DMXL1: variants seen among roughly 807,000 people sequenced by gnomAD.
DMXL1 encodes the protein Dmx like 1.
A neutral mutation model predicts 319.2 loss-of-function variants in DMXL1; 99 were observed. The ratio of observed to expected loss-of-function variants is 0.31; its 90% confidence interval spans 0.26 to 0.37. DMXL1 has a LOEUF of 0.37. DMXL1 is among the 10% of genes least tolerant of loss of function. DMXL1 has a pLI of 1.00. For missense variants in DMXL1, 3,745 were observed against 3,595.6 expected (o/e 1.04, Z -1.06); for synonymous variants, 1,385 against 1,235.2 (o/e 1.12, Z -2.54).
rs144109130 is a variant in DMXL1, at chr5:119,143,851, G to A, written c.2387G>A (p.Gly796Asp). 4.4e-6 allele frequency: 7 copies of A among 1,573,612 alleles called. No homozygotes were observed. Among genetic ancestry groups the A allele is most frequent in the Non-Finnish European group, 6.0e-6 (7 of 1,160,734 alleles). Reference protein sequence around the residue: ...LSNPEISKYVGEVFNIVSQQS... With the variant: ...LSNPEISKYVDEVFNIVSQQS... ...TTTTAAAAAAAACAGAAATATGTTG[G>A]TGAAGTCTTTAACATCGTCAGTCAA... The change falls in exon 14 of 44, where the codon GGT becomes GAT. Residue 796 changes from glycine to aspartate, a missense_variant. Around this residue, in one of 4 missense-constraint regions of DMXL1, gnomAD observed 2,096 missense variants for 1,985.4 expected, o/e 1.06. Transcript: ENST00000539542.
At chr5:119,136,128 T>C (rs1765940215) in intron 13 of DMXL1, among the ~76,000 whole-genome samples, 2 of 152,236 alleles carry the variant, frequency 1.3e-5, no homozygotes, top group South Asian at 4.1e-4. Flanking sequence ...TACTGGGATC[T>C]GGAGCAAAGA....
chr5:119,222,791 T>C lies in DMXL1; in HGVS notation c.8277+1710T>C, dbSNP rs113415596. 5.4e-3 allele frequency among the ~76,000 whole-genome samples: 827 copies of C among 152,278 alleles called. 2 individuals are homozygous for C. Among genetic ancestry groups the C allele is most frequent in the Non-Finnish European group, 9.0e-3 (614 of 68,016 alleles). ...TCCCTTTATTCTACATCTGATTCTC[T>C]TTGCTGTAATTACACTGGCTTCTTT... On this transcript the variant is annotated intron_variant, in intron 37 of 43. Coordinates refer to ENST00000539542, the MANE Select transcript of DMXL1 (RefSeq NM_001290321.3).
At position 119,071,101 on chromosome 5, in the gene DMXL1, A is replaced by AGTGGCGGAGGACTGTGGGG. The variant is rs1749418049; in HGVS notation, c.-461_-443dup. On this transcript the variant is annotated 5_prime_UTR_variant, in exon 1 of 44. Transcript: ENST00000539542. ...CGCAGGGATCCAGAGGCGCGTAGTG[A>AGTGGCGGAGGACTGTGGGG]GTGGCGGAGGACTGTGGGGGTGGCG... 1 of 169,504 alleles carries AGTGGCGGAGGACTGTGGGG rather than the reference A, an allele frequency of 5.9e-6. No homozygotes were observed. Among genetic ancestry groups the AGTGGCGGAGGACTGTGGGG allele is most frequent in the African/African-American group, 2.4e-5 (1 of 41,534 alleles). 10.5% of individuals were successfully genotyped at this position (169,504 alleles called of 1,614,324 possible).
chr5:119,231,995 G>A (rs1786826913), intron 38 of DMXL1, among the ~76,000 whole-genome samples: 1 of 152,028 alleles, frequency 6.6e-6, no homozygotes, highest in Non-Finnish European at 1.5e-5. Flanking sequence ...TTAAGAGACA[G>A]GGTCTCATTA....
At chr5:119,204,117 C>T (rs558572252) in intron 33 of DMXL1, among the ~76,000 whole-genome samples, 39 of 152,004 alleles carry the variant, frequency 2.6e-4, no homozygotes, top group South Asian at 1.0e-3. Flanking sequence ...CCACCACGCC[C>T]GGCCTGAAAA....
At chr5:119,164,100 T>G (rs2150222710) in intron 19 of DMXL1, among the ~76,000 whole-genome samples, 1 of 152,222 alleles carries the variant, frequency 6.6e-6, no homozygotes, top group South Asian at 2.1e-4. Context: ...CTTGATGTTT[T>G]TTTTTTTTTT....
At chr5:119,076,864 A>G (rs1488550286) in intron 1 of DMXL1, among the ~76,000 whole-genome samples, 1 of 152,162 alleles carries the variant, frequency 6.6e-6, no homozygotes, top group African/African-American at 2.4e-5. Context: ...GATAGCACAC[A>G]TGTGACTCAA....
chr5:119,239,101 T>C (rs1222699920), intron 41 of DMXL1, 21 bp downstream of exon 41: 7 of 1,612,194 alleles, frequency 4.3e-6, no homozygotes, highest in Admixed American at 1.7e-5. Flanking sequence ...ATAGCTAAAA[T>C]TGAAGTATGA....
intron 1 of DMXL1, among the ~76,000 whole-genome samples, chr5:119,082,014 TATATATACAC>T (rs1156419933): frequency 2.2e-3 from 160 of 73,066 alleles, no homozygotes; most frequent in African/African-American, 6.5e-3. Flanking sequence ...TATATATATA[TATATATACAC>T]ACACACACAC....
chr5:119,139,244 A>G lies in DMXL1; in HGVS notation c.2377-4597A>G, dbSNP rs374460170. On this transcript the variant is annotated intron_variant, in intron 13 of 43. Transcript: ENST00000539542. The stretch of plus-strand genomic sequence containing the variant: ...ACACAAGCCAGCATAGTAACCAGCT[A>G]ACAACATAATAACACAATCAGATCC... Among the ~76,000 whole-genome samples, 154 of 152,160 alleles carry G rather than the reference A, an allele frequency of 1.0e-3. 1 individual carries two copies. The highest frequency in any genetic ancestry group is 3.6e-3 in the African/African-American group (150 of 41,504).
chr5:119,127,740 G>A (rs1425309312), intron 9 of DMXL1: 2 of 250,394 alleles, frequency 8.0e-6, no homozygotes, highest in Non-Finnish European at 1.6e-5. Context: ...CACCCAGCCA[G>A]TCCTTTATCT....
At chr5:119,190,639 A>G (rs1021261770) in intron 29 of DMXL1, among the ~76,000 whole-genome samples, 1 of 152,226 alleles carries the variant, frequency 6.6e-6, no homozygotes. Context: ...TGAGAGTGAA[A>G]TTCAAGTTGA....
intron 1 of DMXL1, among the ~76,000 whole-genome samples, chr5:119,075,725 TA>T (rs146052027): frequency 5.4e-5 from 8 of 147,154 alleles, no homozygotes; most frequent in South Asian, 2.2e-4. Flanking sequence ...TGGTCTTTTT[TA>T]AAAAAAAAAC....
intron 9 of DMXL1, among the ~76,000 whole-genome samples, chr5:119,123,982 A>C (rs556653593): frequency 6.6e-6 from 1 of 151,266 alleles, no homozygotes; most frequent in East Asian, 2.0e-4. Context: ...GGATTAGTAC[A>C]TCAGTGTACT....
At position 119,122,656 on chromosome 5, in the gene DMXL1, TC is replaced by T. The variant is rs1298437301; in HGVS notation, c.1102+1520del. Among the ~76,000 whole-genome samples the T allele has an allele frequency of 2.7e-5, 4 of 148,686 alleles. No individual in the cohort carries two copies. In the East Asian group the frequency reaches 8.3e-4, roughly 31 times the overall value. On this transcript the variant is annotated intron_variant, in intron 9 of 43. Coordinates refer to ENST00000539542, the MANE Select transcript of DMXL1 (RefSeq NM_001290321.3). ...CGGCCGGGCAGAGACGCCCTTCCCCTCCCAGACGGGGTCGCTGCCGGGCAGA... is the reference window on the plus strand; with the variant it reads ...CGGCCGGGCAGAGACGCCCTTCCCCTCCAGACGGGGTCGCTGCCGGGCAGA...
chr5:119,077,477 A>AG, intron 1 of DMXL1, among the ~76,000 whole-genome samples: 1 of 104,274 alleles, frequency 9.6e-6, no homozygotes, highest in South Asian at 3.6e-4. Context: ...TCTTCATCTT[A>AG]GGTTTTTTTT....
chr5:119,162,668 A>G (rs899196772), intron 19 of DMXL1, among the ~76,000 whole-genome samples: 3 of 152,242 alleles, frequency 2.0e-5, no homozygotes, highest in African/African-American at 7.2e-5. Context: ...AGGGATATAA[A>G]TATGCAAATC....
intron 9 of DMXL1, among the ~76,000 whole-genome samples, chr5:119,124,712 T>G (rs1763115504): frequency 6.6e-6 from 1 of 151,858 alleles, no homozygotes; most frequent in African/African-American, 2.4e-5. Flanking sequence ...ATTACAGGCA[T>G]GAGCCACCAT....
intron 5 of DMXL1, among the ~76,000 whole-genome samples, chr5:119,113,538 G>A (rs1760145936): frequency 6.6e-6 from 1 of 152,208 alleles, no homozygotes; most frequent in African/African-American, 2.4e-5. Context: ...ACTGTGCCCA[G>A]CCCATGACAT....
Sources: gnomAD v4.1 joint callset for allele counts (sites outside exome capture counted in the v4.1 genomes callset) on GRCh38, gnomAD v4.1.1 for gene constraint, gnomAD v4.1.1 regional missense constraint, MANE v1.5 for transcripts, NCBI Gene and HGNC (gene_info 2026-07-23, HGNC 2026-07-21) for gene names.